CTBP2: variants seen among roughly 807,000 people sequenced by gnomAD.
CTBP2 encodes C-terminal-binding protein 2.
CTBP2 carries 30 observed loss-of-function variants against 80.3 expected under a neutral mutation model. The observed-to-expected ratio is 0.37, with a 90% CI of 0.28 to 0.51. The LOEUF (loss-of-function observed/expected upper bound fraction) is 0.51. Ranked by LOEUF, CTBP2 falls within the 20% of genes least tolerant of loss-of-function variation. CTBP2 has a pLI of 0.93. For missense variants in CTBP2, 1,212 were observed against 1,375.3 expected, an observed-to-expected ratio of 0.88 and a Z score of 1.88; for synonymous variants, 594 against 587.4, an observed-to-expected ratio of 1.01 and a Z score of -0.16.
rs772380583 is a variant in CTBP2 at position 125,015,422 on chromosome 10, C to T, written c.1678+10660G>A. Among the ~76,000 whole-genome samples the T allele has an allele frequency of 6.6e-5, 10 of 152,254 alleles. No individual in the cohort carries two copies. The South Asian group carries it at 1.0e-3, about 16-fold the overall frequency. ...AACCCCACAGGCCACAAGCAGGAAA[C>T]GTGACGTCTGTTTTTGAAACAGAGC... On this transcript the variant is annotated intron_variant, in intron 1 of 8. Transcript: ENST00000309035.
rs765767118 is a variant in CTBP2 at position 124,997,976 on chromosome 10, G to A, written c.2173C>T (p.Leu725Phe). 4.3e-6 allele frequency: 7 copies of A among 1,612,240 alleles called. No individual in the cohort carries two copies. Among genetic ancestry groups the A allele is most frequent in the Admixed American group, 3.3e-5 (2 of 59,968 alleles). The change falls in exon 4 of 9, where the codon CTC becomes TTC. Residue 725 changes from leucine (L) to phenylalanine (F), a missense_variant. Leu to Phe is a conservative substitution (Grantham distance 22). Transcript: ENST00000309035. ...GGGTGGCACGTACCAAAGCCAATGA[G>A]GCCCAGCGTCTCCCCACGGATGCGG...
intron 3 of CTBP2, among the ~76,000 whole-genome samples, chr10:125,037,108 G>A (rs766730992): frequency 1.3e-5 from 2 of 152,190 alleles, no homozygotes; most frequent in Non-Finnish European, 2.9e-5. Flanking sequence ...ACCATGCATA[G>A]ACAAGGTAAT....
chr10:125,131,664 A>G (rs1856213869), intron 1 of CTBP2, among the ~76,000 whole-genome samples: 1 of 152,204 alleles, frequency 6.6e-6, no homozygotes, highest in South Asian at 2.1e-4. Context: ...AGCTCAACAC[A>G]TTAGAATTTG....
intron 6 of CTBP2, 97 bp from the exon 9 acceptor site, chr10:124,993,426 G>A: frequency 1.5e-6 from 2 of 1,340,120 alleles, no homozygotes; most frequent in South Asian, 3.0e-5. Flanking sequence ...TAGAAAAGTA[G>A]CTACATAGAT....
chr10:125,060,394 T>G (rs1964720779), intron 2 of CTBP2, among the ~76,000 whole-genome samples: 1 of 152,220 alleles, frequency 6.6e-6, no homozygotes, highest in Admixed American at 6.5e-5. Context: ...GTACTTTTTC[T>G]TAAAACATGG....
intron 1 of CTBP2, among the ~76,000 whole-genome samples, chr10:125,020,001 C>T (rs1956883529): frequency 6.6e-6 from 1 of 152,114 alleles, no homozygotes; most frequent in African/African-American, 2.4e-5. Flanking sequence ...ACTGGACACT[C>T]AAGAGCAAAG....
upstream of CTBP2, among the ~76,000 whole-genome samples, chr10:125,028,984 C>T (rs1035413442): frequency 1.3e-5 from 2 of 152,206 alleles, no homozygotes; most frequent in African/African-American, 4.8e-5. Flanking sequence ...AGAGAAGCAA[C>T]ATCCCAGACT....
At chr10:125,144,264 T>C (rs1858348130) in intron 1 of CTBP2, among the ~76,000 whole-genome samples, 1 of 152,186 alleles carries the variant, frequency 6.6e-6, no homozygotes, top group African/African-American at 2.4e-5. Flanking sequence ...ATCCCTAGAA[T>C]GGGGTCATGT....
chr10:125,154,131 G>C (rs1476280199), intron 1 of CTBP2, among the ~76,000 whole-genome samples: 2 of 152,238 alleles, frequency 1.3e-5, no homozygotes, highest in South Asian at 4.1e-4. Flanking sequence ...CATTTCTGCT[G>C]ATCAGAGGAG....
chr10:125,044,147 A>C (rs1960622808), intron 2 of CTBP2, among the ~76,000 whole-genome samples: 1 of 152,156 alleles, frequency 6.6e-6, no homozygotes, highest in Non-Finnish European at 1.5e-5. Context: ...CACCCTTCTG[A>C]GCCTGGGATC....
At chr10:125,097,885 GGCAGGTGGATCAT>G (rs1456082426) in intron 2 of CTBP2, among the ~76,000 whole-genome samples, 5 of 152,148 alleles carry the variant, frequency 3.3e-5, no homozygotes, top group Non-Finnish European at 7.4e-5. Context: ...GGGAGGCCAA[GGCAGGTGGATCAT>G]GCAGGTGGAT....
At chr10:125,000,858 C>T (rs937979729) in intron 3 of CTBP2, 44 of 152,254 alleles carry the variant, frequency 2.9e-4, no homozygotes, top group African/African-American at 9.6e-4. Flanking sequence ...AATATGCATT[C>T]GGAGACAAAG....
At chr10:125,092,176 C>CTTTTTTTT (rs71029238) in intron 2 of CTBP2, among the ~76,000 whole-genome samples, 17 of 87,120 alleles carry the variant, frequency 2.0e-4, no homozygotes, top group African/African-American at 6.4e-4. Flanking sequence ...TCTGAAGATT[C>CTTTTTTTT]TTTTTTTTTT....
chr10:125,148,919 T>C (rs1859306514), intron 1 of CTBP2, among the ~76,000 whole-genome samples: 1 of 152,198 alleles, frequency 6.6e-6, no homozygotes, highest in Non-Finnish European at 1.5e-5. Flanking sequence ...TCCTCAACCC[T>C]GAGTGAAAAG....
chr10:125,125,960 G>T (rs943769469), intron 1 of CTBP2, among the ~76,000 whole-genome samples: 46 of 152,250 alleles, frequency 3.0e-4, no homozygotes, highest in African/African-American at 1.1e-3. Context: ...AAGTGTCAGG[G>T]CTGAGCATTC....
intron 2 of CTBP2, among the ~76,000 whole-genome samples, chr10:125,073,914 T>G (rs181496885): frequency 6.6e-6 from 1 of 152,314 alleles, no homozygotes; most frequent in Admixed American, 6.5e-5. Context: ...CGGTCTGTTC[T>G]TACTCCCACG....
chr10:124,992,919 T>C, intron 7 of CTBP2, 107 bp from the exon 10 acceptor site: 2 of 992,212 alleles, frequency 2.0e-6, no homozygotes, highest in Non-Finnish European at 3.0e-6. Flanking sequence ...TGTAAAAATG[T>C]AGAACATCCA....
chr10:125,090,565 C>A (rs1481111533), intron 2 of CTBP2, among the ~76,000 whole-genome samples: 1 of 151,664 alleles, frequency 6.6e-6, no homozygotes, highest in South Asian at 2.1e-4. Flanking sequence ...GAGTTTGACA[C>A]CAGCTTGGGC....
chr10:125,098,904 G>A (rs551856406), intron 2 of CTBP2, among the ~76,000 whole-genome samples: 4 of 152,140 alleles, frequency 2.6e-5, no homozygotes, highest in South Asian at 4.1e-4. Context: ...TCCTCCCTGC[G>A]CCCCCTCCAT....
Sources: allele counts gnomAD v4.1 joint callset (sites outside exome capture counted in the v4.1 genomes callset), GRCh38; gene constraint gnomAD v4.1.1; transcripts MANE v1.5; gene names NCBI Gene and HGNC (gene_info 2026-07-23, HGNC 2026-07-21).